TOP6BL: variants seen among roughly 807,000 people sequenced by gnomAD.
TOP6BL encodes type 2 DNA topoisomerase 6 subunit B-like.
At chr11:66,819,004 C>T in the TOP6BL span, among the ~76,000 whole-genome samples, 8 of 152,336 alleles carry the variant, frequency 5.3e-5, no homozygotes, top group African/African-American at 1.9e-4. Context: ...TCCCATCTTA[C>T]ACATCTGGTA....
chr11:66,745,711 A>T, the TOP6BL span, among the ~76,000 whole-genome samples: 2 of 152,248 alleles, frequency 1.3e-5, no homozygotes, highest in Non-Finnish European at 2.9e-5. Context: ...AACCGAACCT[A>T]GGCTAGAACC....
chr11:66,812,185 C>T, the TOP6BL span, among the ~76,000 whole-genome samples: 7 of 140,290 alleles, frequency 5.0e-5, no homozygotes, highest in Admixed American at 7.1e-5. Context: ...GAGTTTGCAT[C>T]TTTTTTTTTG....
the TOP6BL span, among the ~76,000 whole-genome samples, chr11:66,841,704 C>G: frequency 6.6e-6 from 1 of 152,128 alleles, no homozygotes; most frequent in Admixed American, 6.5e-5. Flanking sequence ...CCTTTAGTCC[C>G]AGTTACTCGA....
the TOP6BL span, among the ~76,000 whole-genome samples, chr11:66,833,800 T>G: frequency 6.6e-6 from 1 of 151,974 alleles, no homozygotes; most frequent in African/African-American, 2.4e-5. Context: ...ATAAAAAAAT[T>G]AGCCAGGCCT....
At chr11:66,767,298 G>A in the TOP6BL span, among the ~76,000 whole-genome samples, 7 of 152,038 alleles carry the variant, frequency 4.6e-5, no homozygotes, top group Non-Finnish European at 7.4e-5. Context: ...TCATTTATGT[G>A]TATACTTATC....
chr11:66,749,556 A>C, the TOP6BL span, among the ~76,000 whole-genome samples: 2 of 151,972 alleles, frequency 1.3e-5, no homozygotes, highest in African/African-American at 4.8e-5. Context: ...GCTTTAAGTA[A>C]TTATGGTTAT....
the TOP6BL span, among the ~76,000 whole-genome samples, chr11:66,841,292 A>G: frequency 1.3e-5 from 2 of 151,486 alleles, no homozygotes; most frequent in African/African-American, 4.9e-5. Flanking sequence ...TAATTTTTGT[A>G]TTTTTAGTAG....
At chr11:66,799,746 G>C in the TOP6BL span, among the ~76,000 whole-genome samples, 1 of 151,478 alleles carries the variant, frequency 6.6e-6, no homozygotes, top group Non-Finnish European at 1.5e-5. Flanking sequence ...TGTTTCTCTA[G>C]GTTCATCCGT....
the TOP6BL span, among the ~76,000 whole-genome samples, chr11:66,839,822 C>A: frequency 6.6e-6 from 1 of 152,126 alleles, no homozygotes; most frequent in Non-Finnish European, 1.5e-5. Flanking sequence ...TAATTCAGTA[C>A]CTTCTGTGGA....
chr11:66,798,365 C>T, the TOP6BL span, among the ~76,000 whole-genome samples: 1 of 151,646 alleles, frequency 6.6e-6, no homozygotes, highest in African/African-American at 2.4e-5. Context: ...TTTGGGAGGC[C>T]GACTTGGGCG....
the TOP6BL span, among the ~76,000 whole-genome samples, chr11:66,768,072 G>A: frequency 2.1e-3 from 314 of 152,274 alleles, 4 homozygotes; most frequent in African/African-American, 7.2e-3. Context: ...GATTACAAGT[G>A]TGAGCCTTCA....
At chr11:66,832,014 A>AC in the TOP6BL span, among the ~76,000 whole-genome samples, 1 of 151,152 alleles carries the variant, frequency 6.6e-6, no homozygotes, top group East Asian at 1.9e-4. Flanking sequence ...AAAAAAAAAA[A>AC]AACAAAAAAT....
chr11:66,748,094 A>G, the TOP6BL span, among the ~76,000 whole-genome samples: 1 of 152,152 alleles, frequency 6.6e-6, no homozygotes, highest in Non-Finnish European at 1.5e-5. Context: ...CCTAATTATT[A>G]TTTCCAGATG....
chr11:66,822,291 GTC>G, the TOP6BL span, among the ~76,000 whole-genome samples: 31 of 151,294 alleles, frequency 2.0e-4, no homozygotes, highest in South Asian at 6.5e-3. Context: ...CAAATAGTGT[GTC>G]TGTTTTCTTG....
At chr11:66,810,282 G>A in the TOP6BL span, among the ~76,000 whole-genome samples, 1 of 152,160 alleles carries the variant, frequency 6.6e-6, no homozygotes, top group African/African-American at 2.4e-5. Context: ...GAAGAAAAAT[G>A]TTGCCAGACG....
chr11:66,786,089 A>G, the TOP6BL span, among the ~76,000 whole-genome samples: 1 of 152,180 alleles, frequency 6.6e-6, no homozygotes, highest in Admixed American at 6.5e-5. Flanking sequence ...ACTTGAGGCC[A>G]AGAGTTCAAG....
chr11:66,751,149 G>T, the TOP6BL span, among the ~76,000 whole-genome samples: 1 of 149,712 alleles, frequency 6.7e-6, no homozygotes, highest in Non-Finnish European at 1.5e-5. Context: ...CTGAGTAGCT[G>T]GGACTACAGG....
At chr11:66,762,856 T>C in the TOP6BL span, among the ~76,000 whole-genome samples, 2 of 152,188 alleles carry the variant, frequency 1.3e-5, no homozygotes, top group East Asian at 1.9e-4. Flanking sequence ...GACACAAATA[T>C]ATAGGAAACA....
At chr11:66,832,381 T>C in the TOP6BL span, among the ~76,000 whole-genome samples, 1 of 152,204 alleles carries the variant, frequency 6.6e-6, no homozygotes, top group African/African-American at 2.4e-5. Context: ...ATTACAGGCA[T>C]GAGCCACCGC....
Sources: allele counts gnomAD v4.1 joint callset (sites outside exome capture counted in the v4.1 genomes callset), GRCh38; gene constraint gnomAD v4.1.1; transcripts MANE v1.5; gene names NCBI Gene and HGNC (gene_info 2026-07-23, HGNC 2026-07-21).